The following IL36B variants were observed in gnomAD, a reference collection of about 807,000 sequenced individuals.
IL36B encodes the protein interleukin-36 beta.
In IL36B, 23 loss-of-function variants were observed where a neutral mutation model predicts 19.3. The observed-to-expected ratio is 1.19, with a 90% CI of 0.86 to 1.69. The LOEUF (loss-of-function observed/expected upper bound fraction) is 1.69. IL36B is among the 40% of genes most tolerant of loss of function. The pLI is 0.00. For missense variants in IL36B, 217 were observed against 200.5 expected (o/e 1.08, Z -0.50); for synonymous variants, 59 against 59.7 (o/e 0.99, Z 0.05).
rs191805528 is a variant in IL36B, at chr2:113,039,536, A to G, written c.-57-7770T>C. ...ATACTAGCCATTATGTATTAAATTA[A>G]TGGAGAGTATATAACTTCCAAACTA... On this transcript the variant is annotated intron_variant, in intron 1 of 5. Transcript: ENST00000259213. Among the ~76,000 whole-genome samples, 798 of 152,360 alleles carry G rather than the reference A, an allele frequency of 5.2e-3. 15 individuals are homozygous for G. Among genetic ancestry groups the G allele is most frequent in the Non-Finnish European group, 4.6e-3 (316 of 68,032 alleles).
intron 1 of IL36B, among the ~76,000 whole-genome samples, chr2:113,035,338 A>G (rs1421716333): frequency 6.6e-6 from 1 of 152,306 alleles, no homozygotes; most frequent in Non-Finnish European, 1.5e-5. Context: ...ATAAAATGAA[A>G]TCAGACTGTA....
intron 1 of IL36B, among the ~76,000 whole-genome samples, chr2:113,051,836 TCACTCCAGGGAG>T (rs1458794143): frequency 6.6e-6 from 1 of 152,008 alleles, no homozygotes; most frequent in African/African-American, 2.4e-5. Flanking sequence ...CTACCAAAAG[TCACTCCAGGGAG>T]TGATAAATTC....
chr2:113,038,026 T>C (rs1039513326), intron 1 of IL36B, among the ~76,000 whole-genome samples: 2 of 152,244 alleles, frequency 1.3e-5, no homozygotes, highest in African/African-American at 4.8e-5. Flanking sequence ...CATTTGACGC[T>C]GACATTTGAA....
intron 1 of IL36B, among the ~76,000 whole-genome samples, chr2:113,046,279 G>A (rs1051342572): frequency 3.4e-5 from 5 of 147,014 alleles, no homozygotes; most frequent in Non-Finnish European, 7.4e-5. Context: ...GCACCATCTC[G>A]GCTTACTGCA....
intron 1 of IL36B, among the ~76,000 whole-genome samples, chr2:113,037,530 T>C (rs1036520740): frequency 6.6e-6 from 1 of 152,002 alleles, no homozygotes; most frequent in Non-Finnish European, 1.5e-5. Context: ...ATGCTTGTAG[T>C]CCCAGCTACT....
chr2:113,037,723 G>C (rs1383882639), intron 1 of IL36B, among the ~76,000 whole-genome samples: 1 of 151,592 alleles, frequency 6.6e-6, no homozygotes, highest in Non-Finnish European at 1.5e-5. Flanking sequence ...ATGAATGATA[G>C]AGGAGTTTTC....
At chr2:113,047,335 T>C (rs550019365) in intron 1 of IL36B, among the ~76,000 whole-genome samples, 26 of 152,350 alleles carry the variant, frequency 1.7e-4, no homozygotes, top group African/African-American at 6.0e-4. Context: ...TTAGAAATGC[T>C]TCAATTAGCA....
intron 1 of IL36B, among the ~76,000 whole-genome samples, chr2:113,042,611 T>C (rs1177783392): frequency 2.0e-5 from 3 of 152,258 alleles, no homozygotes; most frequent in South Asian, 2.1e-4. Flanking sequence ...TTGTCTGGCT[T>C]CCTTCACTCA....
At position 113,028,938 on chromosome 2, in the gene IL36B, C is replaced by A; in HGVS notation, c.261+1G>T. On this transcript the variant is annotated splice_donor_variant, in intron 4 of 5. Transcript: ENST00000259213. LOFTEE classifies it high-confidence loss of function. ...CTCTCGTTAGCTGCACAATCACTCA[C>A]CTTAAGCTGCAAAGTAGGCTTGCCC... 1 of 1,613,746 alleles carries A rather than the reference C, an allele frequency of 6.2e-7. No homozygotes were observed. The highest frequency in any genetic ancestry group is 2.2e-5 in the East Asian group (1 of 44,884).
chr2:113,040,552 A>G (rs1343688009), intron 1 of IL36B, among the ~76,000 whole-genome samples: 4 of 152,244 alleles, frequency 2.6e-5, no homozygotes, highest in Non-Finnish European at 5.9e-5. Flanking sequence ...TGGAGGATAC[A>G]CTATTTTTTA....
At chr2:113,041,932 G>A (rs1685264377) in intron 1 of IL36B, among the ~76,000 whole-genome samples, 1 of 152,130 alleles carries the variant, frequency 6.6e-6, no homozygotes, top group African/African-American at 2.4e-5. Flanking sequence ...ATGGTGACGA[G>A]GTCTCAGTGC....
chr2:113,039,524 T>A (rs1685218415), intron 1 of IL36B, among the ~76,000 whole-genome samples: 2 of 152,236 alleles, frequency 1.3e-5, no homozygotes, highest in African/African-American at 4.8e-5. Context: ...CTAGCCATTA[T>A]GTATTAAATT....
intron 1 of IL36B, among the ~76,000 whole-genome samples, chr2:113,036,193 G>C (rs1685165030): frequency 6.6e-6 from 1 of 152,048 alleles, no homozygotes; most frequent in African/African-American, 2.4e-5. Context: ...TGATCTGCCT[G>C]CCTCTGCCTC....
chr2:113,037,065 C>T (rs538141750), intron 1 of IL36B, among the ~76,000 whole-genome samples: 3 of 152,332 alleles, frequency 2.0e-5, no homozygotes, highest in South Asian at 4.1e-4. Flanking sequence ...CTCTTAGGTG[C>T]GCTCAGAAGT....
At chr2:113,023,455 T>C (rs1296327510) in intron 5 of IL36B, among the ~76,000 whole-genome samples, 3 of 152,246 alleles carry the variant, frequency 2.0e-5, no homozygotes, top group African/African-American at 7.2e-5. Context: ...AAACTGATTT[T>C]AGTGAACTAG....
intron 1 of IL36B, among the ~76,000 whole-genome samples, chr2:113,033,368 A>C (rs1685113958): frequency 6.6e-6 from 1 of 152,146 alleles, no homozygotes; most frequent in South Asian, 2.1e-4. Flanking sequence ...AGTAGCTGGA[A>C]CTACAGGCAC....
intron 5 of IL36B, chr2:113,026,039 A>G (rs2105039548): frequency 6.3e-7 from 1 of 1,577,520 alleles, no homozygotes; most frequent in South Asian, 1.2e-5. Flanking sequence ...CTGAGGAACC[A>G]TGAAGAATGA....
At chr2:113,047,844 C>T (rs896727235) in intron 1 of IL36B, among the ~76,000 whole-genome samples, 1 of 151,516 alleles carries the variant, frequency 6.6e-6, no homozygotes, top group African/African-American at 2.4e-5. Context: ...AAGCCCTGGA[C>T]TAACCAATAT....
chr2:113,031,789 G>T, intron 1 of IL36B, 23 bp from the exon 2 acceptor site: 1 of 1,077,078 alleles, frequency 9.3e-7, no homozygotes. Flanking sequence ...GGCCATGTGA[G>T]AGAAGGAGAG....
Sources: gnomAD v4.1 joint callset for allele counts (sites outside exome capture counted in the v4.1 genomes callset) on GRCh38, gnomAD v4.1.1 for gene constraint, MANE v1.5 for transcripts, NCBI Gene and HGNC (gene_info 2026-07-23, HGNC 2026-07-21) for gene names.